DPP10: variants seen among roughly 807,000 people sequenced by gnomAD.
The protein encoded by DPP10 is inactive dipeptidyl peptidase 10.
In DPP10, 33 loss-of-function variants were observed where a neutral mutation model predicts 120.9. The ratio of observed to expected loss-of-function variants is 0.27; its 90% CI spans 0.21 to 0.37. The LOEUF (loss-of-function observed/expected upper bound fraction) is 0.37. Among genes scored for constraint, DPP10 ranks in the 10% least tolerant of loss-of-function variants. The pLI, the probability that DPP10 is intolerant of heterozygous loss-of-function variation, is 1.00. For missense variants in DPP10, 816 were observed against 942.8 expected (o/e 0.87, Z 1.76); for synonymous variants, 337 against 326.1 (o/e 1.03, Z -0.36).
intron 13 of DPP10, among the ~76,000 whole-genome samples, chr2:115,772,267 G>T (rs1240429068): frequency 6.6e-6 from 1 of 152,064 alleles, no homozygotes; most frequent in Non-Finnish European, 1.5e-5. Context: ...ATTATTTGTT[G>T]TTCTGTGTTT....
intron 1 of DPP10, among the ~76,000 whole-genome samples, chr2:114,453,532 C>A (rs539656488): frequency 6.6e-6 from 1 of 152,244 alleles, no homozygotes; most frequent in East Asian, 1.9e-4. Context: ...GTCTTCTCTG[C>A]TACATCTAGG....
At chr2:114,768,761 G>C (rs1271836355) in intron 1 of DPP10, among the ~76,000 whole-genome samples, 8 of 152,194 alleles carry the variant, frequency 5.3e-5, no homozygotes, top group Admixed American at 5.2e-4. Flanking sequence ...GATAATGCAA[G>C]TGTTCCCAGG....
At position 115,737,102 on chromosome 2, in the gene DPP10, C is replaced by G. The variant is rs376909125; in HGVS notation, c.698-2637C>G. Among the ~76,000 whole-genome samples the G allele has an allele frequency of 2.0e-4, 30 of 152,228 alleles. No homozygotes were observed. In the East Asian group the frequency reaches 4.8e-3, roughly 25 times the overall value. ...GTCAGATTCTAGTATGGAGCCTACC[C>G]AATTCCAGCTCGTTGTTGTACATCC... On this transcript the variant is annotated intron_variant, in intron 8 of 25. Coordinates refer to ENST00000410059, the MANE Select transcript of DPP10 (RefSeq NM_020868.6).
chr2:115,100,942 C>T (rs2048663623), intron 1 of DPP10, among the ~76,000 whole-genome samples: 2 of 152,164 alleles, frequency 1.3e-5, no homozygotes, highest in African/African-American at 4.8e-5. Flanking sequence ...AAAACTGCAT[C>T]ACTTGCAGCT....
intron 1 of DPP10, among the ~76,000 whole-genome samples, chr2:115,235,293 A>G (rs937522337): frequency 5.3e-5 from 8 of 152,208 alleles, no homozygotes; most frequent in Non-Finnish European, 1.0e-4. Flanking sequence ...GTGAATGGTA[A>G]AAATAATAAA....
Position 115,037,962 on chromosome 2 carries a change from T to C in DPP10, c.61-271277T>C, listed in dbSNP as rs954958380. On this transcript the variant is annotated intron_variant, in intron 1 of 25. Coordinates refer to ENST00000410059, the MANE Select transcript of DPP10 (RefSeq NM_020868.6). ...CACACCTAAAAAGTTCTCCAGAACT[T>C]GAATCCTACCATCACATATTATTCT... Among the ~76,000 whole-genome samples the C allele has an allele frequency of 1.1e-4, 17 of 152,350 alleles. 1 individual carries two copies. Among genetic ancestry groups the C allele is most frequent in the Middle Eastern group, 6.8e-3 (2 of 294 alleles).
intron 1 of DPP10, among the ~76,000 whole-genome samples, chr2:115,175,638 T>C (rs985745229): frequency 6.6e-6 from 1 of 152,208 alleles, no homozygotes; most frequent in African/African-American, 2.4e-5. Flanking sequence ...TAAAATATCT[T>C]TTACTTTCTC....
chr2:114,554,645 TTTCTTATAGAGA>T (rs1309242783), intron 1 of DPP10, among the ~76,000 whole-genome samples: 3 of 152,150 alleles, frequency 2.0e-5, no homozygotes, highest in Admixed American at 2.0e-4. Flanking sequence ...GTAGGGACAG[TTTCTTATAGAGA>T]ACACACTATC....
chr2:114,690,670 G>A (rs928855515), intron 1 of DPP10, among the ~76,000 whole-genome samples: 5 of 152,062 alleles, frequency 3.3e-5, no homozygotes, highest in Non-Finnish European at 7.4e-5. Context: ...AAATTACTTT[G>A]GGTAGTATGT....
At chr2:115,385,446 C>G (rs1304300880) in intron 3 of DPP10, among the ~76,000 whole-genome samples, 3 of 151,778 alleles carry the variant, frequency 2.0e-5, no homozygotes, top group Non-Finnish European at 4.4e-5. Context: ...ACCTCTGCCT[C>G]CTGGGTTCAA....
intron 1 of DPP10, among the ~76,000 whole-genome samples, chr2:115,114,237 C>T (rs1433836359): frequency 6.6e-6 from 1 of 152,150 alleles, no homozygotes; most frequent in African/African-American, 2.4e-5. Flanking sequence ...CAGAATACCC[C>T]CAGTCCATGT....
At chr2:114,577,772 C>T (rs1005231757) in intron 1 of DPP10, among the ~76,000 whole-genome samples, 1 of 152,258 alleles carries the variant, frequency 6.6e-6, no homozygotes, top group Non-Finnish European at 1.5e-5. Flanking sequence ...CTGTTCCATG[C>T]CTGTTCCCTA....
intron 1 of DPP10, among the ~76,000 whole-genome samples, chr2:115,023,624 T>G (rs777142515): frequency 3.3e-5 from 5 of 152,092 alleles, no homozygotes; most frequent in Non-Finnish European, 5.9e-5. Flanking sequence ...TGCTGTTCGA[T>G]CCAGTAATTC....
At chr2:114,681,091 A>G (rs1698996474) in intron 1 of DPP10, among the ~76,000 whole-genome samples, 1 of 151,930 alleles carries the variant, frequency 6.6e-6, no homozygotes, top group African/African-American at 2.4e-5. Flanking sequence ...CAACTATTCC[A>G]GTTCTACCCC....
intron 3 of DPP10, among the ~76,000 whole-genome samples, chr2:115,496,986 G>A (rs1316886510): frequency 2.0e-5 from 3 of 151,982 alleles, no homozygotes; most frequent in Non-Finnish European, 4.4e-5. Flanking sequence ...CTGGATGGGA[G>A]GTCACAGGAC....
intron 19 of DPP10, among the ~76,000 whole-genome samples, chr2:115,800,838 C>A: frequency 6.6e-6 from 1 of 151,972 alleles, no homozygotes; most frequent in Non-Finnish European, 1.5e-5. Flanking sequence ...GTTACTGTAG[C>A]CTTGTAGTAT....
chr2:115,133,137 GTGTGTGTGTATATA>G (rs1267310883), intron 1 of DPP10, among the ~76,000 whole-genome samples: 11 of 62,876 alleles, frequency 1.7e-4, no homozygotes, highest in African/African-American at 9.0e-4. Flanking sequence ...GTGTGTGTGT[GTGTGTGTGTATATA>G]TATATATATA....
intron 1 of DPP10, among the ~76,000 whole-genome samples, chr2:114,693,010 A>G (rs1384454875): frequency 6.6e-6 from 1 of 151,952 alleles, no homozygotes; most frequent in Non-Finnish European, 1.5e-5. Context: ...CAGCATAGTG[A>G]TGGGTCTTGG....
chr2:114,668,352 CG>C (rs1288117938), intron 1 of DPP10, among the ~76,000 whole-genome samples: 4 of 152,132 alleles, frequency 2.6e-5, no homozygotes, highest in African/African-American at 9.7e-5. Flanking sequence ...AATGTCCTAG[CG>C]CAGAAAGAAA....
Sources: allele counts gnomAD v4.1 joint callset (sites outside exome capture counted in the v4.1 genomes callset), GRCh38; gene constraint gnomAD v4.1.1; transcripts MANE v1.5; gene names NCBI Gene and HGNC (gene_info 2026-07-23, HGNC 2026-07-21).